CYB5R4: variants seen among roughly 807,000 people sequenced by gnomAD.
CYB5R4 encodes cytochrome b5 reductase 4, also known as N-terminal cytochrome b5 and cytochrome b5 oxidoreductase domain-containing protein.
Under a neutral mutation model 70.2 loss-of-function variants are expected in CYB5R4, and 55 were observed. That is an observed-to-expected ratio of 0.78 (90% CI 0.63 to 0.98). The LOEUF is 0.98. Ranked by LOEUF, CYB5R4 falls within the 50% of genes least tolerant of loss-of-function variation. The pLI is 0.00. For synonymous variants in CYB5R4, 197 were observed against 199.5 expected (o/e 0.99, Z 0.11); for missense variants, 562 against 612.6 (o/e 0.92, Z 0.87).
chr6:83,919,429 C>A lies in CYB5R4; in HGVS notation c.539C>A (p.Thr180Asn). 1 of 1,517,804 alleles carries A rather than the reference C, an allele frequency of 6.6e-7. No homozygotes were observed. Among genetic ancestry groups the A allele is most frequent in the Non-Finnish European group, 9.0e-7 (1 of 1,113,294 alleles). The allele number at this position is 1,517,804 out of a possible 1,614,324, so 94.0% of individuals were successfully genotyped here. A position where few individuals can be genotyped will look rare whatever the true frequency, so the allele number is the denominator to read the frequency against. ...TGGTTCCAAACAGACTCTTTAGTCACCATTGCCATATATACTAAACAGAAG... is the reference window on the plus strand; with the variant it reads ...TGGTTCCAAACAGACTCTTTAGTCAACATTGCCATATATACTAAACAGAAG... The part of the protein sequence containing the change: ...YDWFQTDSLV[T>N]IAIYTKQKDI... The change falls in exon 7 of 16, where the codon ACC (threonine) becomes AAC (asparagine). Residue 180 changes from threonine to asparagine, a missense_variant. Coordinates refer to ENST00000369681, the MANE Select transcript of CYB5R4 (RefSeq NM_016230.4).
intron 12 of CYB5R4, among the ~76,000 whole-genome samples, chr6:83,938,703 G>T (rs982375842): frequency 7.9e-5 from 12 of 152,288 alleles, no homozygotes; most frequent in Non-Finnish European, 1.3e-4. Flanking sequence ...GGAAAGACTG[G>T]GCTGTGGGTA....
In CYB5R4 at chr6:83,955,369, CTCT is replaced by C; in HGVS notation, c.1423_1425del (p.Leu475del). 2.5e-6 allele frequency: 4 copies of C among 1,613,932 alleles called. No homozygotes were observed. Among genetic ancestry groups the C allele is most frequent in the Non-Finnish European group, 3.4e-6 (4 of 1,179,890 alleles). On this transcript the variant is annotated inframe_deletion, in exon 15 of 16. Coordinates refer to ENST00000369681, the MANE Select transcript of CYB5R4 (RefSeq NM_016230.4). ...GGCAAACAGGGACATATTTCACCAG[CTCT>C]TCTTTCTGAATTTTTGAAAAGAAAT...
chr6:83,912,130 G>A (rs1437893542), intron 4 of CYB5R4, among the ~76,000 whole-genome samples: 4 of 148,374 alleles, frequency 2.7e-5, no homozygotes, highest in Non-Finnish European at 5.9e-5. Flanking sequence ...AATAAGTATT[G>A]CACTCATGTG....
At chr6:83,958,103 G>C (rs2099472708) in intron 15 of CYB5R4, among the ~76,000 whole-genome samples, 1 of 152,076 alleles carries the variant, frequency 6.6e-6, no homozygotes. Flanking sequence ...TCCATATTTG[G>C]TGAACATTTG....
intron 2 of CYB5R4, among the ~76,000 whole-genome samples, chr6:83,884,521 C>T (rs2099459956): frequency 6.6e-6 from 1 of 152,084 alleles, no homozygotes; most frequent in Non-Finnish European, 1.5e-5. Flanking sequence ...AGGCATGAAG[C>T]TAACATTGAT....
At position 83,923,162 on chromosome 6, in the gene CYB5R4, T is replaced by A. The variant is rs565567034; in HGVS notation, c.691+692T>A. ...ACAAATTTTTCTTTCATCTATATAT[T>A]TAAATGTTTAATGTTGAGAGAGCAT... On this transcript the variant is annotated intron_variant, in intron 9 of 15. Transcript: ENST00000369681. Among the ~76,000 whole-genome samples the A allele has an allele frequency of 4.6e-5, 7 of 152,284 alleles. No homozygotes were observed. The East Asian group carries it at 1.3e-3, about 29-fold the overall frequency.
At chr6:83,934,055 T>C (rs933503905) in intron 10 of CYB5R4, among the ~76,000 whole-genome samples, 2 of 152,156 alleles carry the variant, frequency 1.3e-5, no homozygotes, top group African/African-American at 2.4e-5. Context: ...AGTGCTACTG[T>C]TGTTAAGCCT....
At chr6:83,922,524 CAGAG>C (rs1238495762) in intron 9 of CYB5R4, 54 bp downstream of exon 9, 3 of 1,253,694 alleles carry the variant, frequency 2.4e-6, no homozygotes, top group Non-Finnish European at 1.1e-6. Flanking sequence ...CACATACCTA[CAGAG>C]AGAGAGATAC....
In CYB5R4 at chr6:83,938,835, A is replaced by T. The variant is rs61756905; in HGVS notation, c.1109-1221A>T. On this transcript the variant is annotated intron_variant, in intron 12 of 15. Coordinates refer to ENST00000369681, the MANE Select transcript of CYB5R4 (RefSeq NM_016230.4). ...ATAATGAGGAGCTTCTATTATTATT[A>T]TTTTTTTTTTTTTGAGATGGAGTTT... 2.5e-3 allele frequency among the ~76,000 whole-genome samples: 363 copies of T among 144,882 alleles called. 2 individuals are homozygous for T. Among genetic ancestry groups the T allele is most frequent in the African/African-American group, 7.9e-3 (312 of 39,488 alleles).
Position 83,940,593 on chromosome 6 carries a change from A to G in CYB5R4, c.1338A>G (p.Lys446=). The G allele has an allele frequency of 1.2e-6, 2 of 1,601,006 alleles. No individual in the cohort carries two copies. Among genetic ancestry groups the G allele is most frequent in the East Asian group, 2.3e-5 (1 of 44,260 alleles). The change falls in exon 14 of 16, where the codon AAA becomes AAG. Residue 446 remains lysine (K), a synonymous_variant. Transcript: ENST00000369681. The part of the protein sequence containing the change: ...WRSQLEKLAF[K]DKRLDVEFVL... ...GCCAATTGGAGAAATTAGCATTTAA[A>G]GATAAAAGGTATTAAACTGATATTA... is the stretch of plus-strand genomic sequence containing the variant.
chr6:83,955,438 T>G lies in CYB5R4; in HGVS notation c.1487T>G (p.Val496Gly), dbSNP rs1185553062. 1 of 1,613,858 alleles carries G rather than the reference T, an allele frequency of 6.2e-7. No individual in the cohort carries two copies. ...SKVLVCICGPVPFTEQGVRLL... is the reference protein window; with the variant it reads ...SKVLVCICGPGPFTEQGVRLL... Reference sequence around the variant, plus strand: ...GTTCTCGTCTGCATTTGTGGACCAGTGCCATTTACAGAACAAGGAGTAAGG... The same window carrying G: ...GTTCTCGTCTGCATTTGTGGACCAGGGCCATTTACAGAACAAGGAGTAAGG... Residue 496 changes from valine (V) to glycine (G), a missense_variant, in exon 15 of 16, where the codon GTG becomes GGG. By Grantham distance (109) the Val-to-Gly change is moderately radical. Transcript: ENST00000369681.
rs534182272 is a variant in CYB5R4 at position 83,927,998 on chromosome 6, TG to T, written c.814+3407del. Reference sequence around the variant, plus strand: ...ATTTAGGAATTCTGTTTAAGACACTTGTAGTACTTAGGAGATTACAGAAAGT... The same window carrying T: ...ATTTAGGAATTCTGTTTAAGACACTTTAGTACTTAGGAGATTACAGAAAGT... On this transcript the variant is annotated intron_variant, in intron 10 of 15. Transcript: ENST00000369681. 1.1e-4 allele frequency among the ~76,000 whole-genome samples: 17 copies of T among 152,274 alleles called. No homozygotes were observed. The South Asian group carries it at 3.5e-3, about 32-fold the overall frequency.
chr6:83,880,120 A>G (rs1253040235), intron 2 of CYB5R4, among the ~76,000 whole-genome samples: 1 of 152,084 alleles, frequency 6.6e-6, no homozygotes, highest in Non-Finnish European at 1.5e-5. Context: ...TTTTTTATTG[A>G]CACGTAATTG....
chr6:83,940,681 C>T, intron 14 of CYB5R4, 80 bp downstream of exon 14: 8 of 1,458,840 alleles, frequency 5.5e-6, no homozygotes, highest in Non-Finnish European at 7.3e-6. Flanking sequence ...CTGGTTGAAG[C>T]TTTGATTGTC....
chr6:83,880,370 G>T (rs781515154), intron 2 of CYB5R4, among the ~76,000 whole-genome samples: 4 of 152,100 alleles, frequency 2.6e-5, no homozygotes, highest in Admixed American at 6.5e-5. Flanking sequence ...TGCCATCCAG[G>T]TGACTAACAG....
At chr6:83,959,679 G>A (rs950293750) in intron 15 of CYB5R4, 145 bp from the exon 16 acceptor site, 2 of 652,242 alleles carry the variant, frequency 3.1e-6, no homozygotes, top group South Asian at 3.9e-5. Flanking sequence ...TTTTTTAAGA[G>A]GTGATAGTGT....
At chr6:83,952,314 A>G (rs542287549) in intron 14 of CYB5R4, among the ~76,000 whole-genome samples, 3 of 152,320 alleles carry the variant, frequency 2.0e-5, no homozygotes, top group South Asian at 4.1e-4. Flanking sequence ...AGTGGTGGTG[A>G]AGTTCTAAAG....
intron 5 of CYB5R4, among the ~76,000 whole-genome samples, chr6:83,916,689 A>G (rs2099465564): frequency 6.6e-6 from 1 of 152,138 alleles, no homozygotes; most frequent in African/African-American, 2.4e-5. Flanking sequence ...CTGAATGAGT[A>G]AGGCCTGGAC....
chr6:83,959,675 A>C (rs2099473012), intron 15 of CYB5R4, 149 bp from the exon 16 acceptor site: 1 of 630,440 alleles, frequency 1.6e-6, no homozygotes. Context: ...CTAATTTTTT[A>C]AGAGGTGATA....
Sources: gnomAD v4.1 joint callset for allele counts (sites outside exome capture counted in the v4.1 genomes callset) on GRCh38, gnomAD v4.1.1 for gene constraint, MANE v1.5 for transcripts, NCBI Gene and HGNC (gene_info 2026-07-23, HGNC 2026-07-21) for gene names.